PTPRN2: variants seen among roughly 807,000 people sequenced by gnomAD.
PTPRN2 encodes receptor-type tyrosine-protein phosphatase N2.
Under a neutral mutation model 118.8 loss-of-function variants are expected in PTPRN2, and 74 were observed. The observed-to-expected ratio is 0.62, with a 90% CI of 0.52 to 0.76. The LOEUF is 0.76. Among genes scored for constraint, PTPRN2 ranks in the 30% least tolerant of loss-of-function variants. The pLI is 0.00. For synonymous variants in PTPRN2, 641 were observed against 608.0 expected (o/e 1.05, Z -0.80); for missense variants, 1,481 against 1,394.4 (o/e 1.06, Z -0.99).
At chr7:157,826,074 C>T (rs1807151531) in intron 12 of PTPRN2, among the ~76,000 whole-genome samples, 1 of 152,162 alleles carries the variant, frequency 6.6e-6, no homozygotes, top group Admixed American at 6.5e-5. Flanking sequence ...GGCAGCACAA[C>T]CGTGATCACC....
At chr7:158,500,828 C>G (rs1160030787) in intron 1 of PTPRN2, among the ~76,000 whole-genome samples, 1 of 152,266 alleles carries the variant, frequency 6.6e-6, no homozygotes, top group Non-Finnish European at 1.5e-5. Flanking sequence ...GGGGCCCAGT[C>G]CCCGAGTTTC....
At chr7:158,130,349 C>T (rs1012275787) in intron 9 of PTPRN2, among the ~76,000 whole-genome samples, 2 of 152,098 alleles carry the variant, frequency 1.3e-5, no homozygotes, top group South Asian at 4.1e-4. Flanking sequence ...TACACATCTA[C>T]CCGACACACA....
intron 12 of PTPRN2, among the ~76,000 whole-genome samples, chr7:157,719,061 G>C (rs1382466691): frequency 6.6e-6 from 1 of 152,120 alleles, no homozygotes; most frequent in Non-Finnish European, 1.5e-5. Context: ...CCAGGAGCGT[G>C]TTCCCCAGTG....
intron 11 of PTPRN2, among the ~76,000 whole-genome samples, chr7:157,947,807 G>C (rs1000902867): frequency 1.3e-5 from 2 of 152,222 alleles, no homozygotes; most frequent in Non-Finnish European, 2.9e-5. Context: ...AAAGCAGCAA[G>C]AGAGAGGCAA....
chr7:158,452,542 G>A (rs977921026), intron 2 of PTPRN2, among the ~76,000 whole-genome samples: 3 of 152,032 alleles, frequency 2.0e-5, no homozygotes, highest in Non-Finnish European at 2.9e-5. Flanking sequence ...TGTCCCGGGC[G>A]GCCTCCTGCC....
chr7:158,420,876 G>A (rs907306486), intron 2 of PTPRN2, among the ~76,000 whole-genome samples: 9 of 152,338 alleles, frequency 5.9e-5, no homozygotes, highest in South Asian at 2.1e-4. Context: ...TTGATGAGAC[G>A]TGGCAGTTGC....
intron 2 of PTPRN2, among the ~76,000 whole-genome samples, chr7:158,400,513 T>C (rs1299360271): frequency 6.6e-6 from 1 of 152,142 alleles, no homozygotes; most frequent in Non-Finnish European, 1.5e-5. Context: ...TTCTCTGAGC[T>C]CCAAAGCCAT....
chr7:158,425,620 G>A (rs1260691480), intron 2 of PTPRN2, among the ~76,000 whole-genome samples: 1 of 123,010 alleles, frequency 8.1e-6, no homozygotes, highest in South Asian at 3.0e-4. Flanking sequence ...CCCAGAGTCC[G>A]AGTCCAGCCT....
At chr7:158,285,139 G>A (rs881468) in intron 3 of PTPRN2, among the ~76,000 whole-genome samples, 9,633 of 152,194 alleles carry the variant, frequency 0.063, 431 homozygotes, top group Middle Eastern at 0.11. Flanking sequence ...TATTTCTGAC[G>A]TGCCCAGGCT....
intron 11 of PTPRN2, among the ~76,000 whole-genome samples, chr7:158,071,533 TG>T (rs1288365793): frequency 3.2e-5 from 4 of 124,100 alleles, no homozygotes; most frequent in South Asian, 2.6e-4. Flanking sequence ...GAGATGCTCG[TG>T]ATGATGGAGG....
At chr7:157,553,508 A>T (rs963319830) in intron 21 of PTPRN2, among the ~76,000 whole-genome samples, 1 of 152,174 alleles carries the variant, frequency 6.6e-6, no homozygotes, top group African/African-American at 2.4e-5. Context: ...TGATGGATAA[A>T]GTCTCTCTTA....
In PTPRN2 at chr7:157,794,223, C is replaced by G. The variant is rs1430173520; in HGVS notation, c.1788+104450G>C. On this transcript the variant is annotated intron_variant, in intron 12 of 22. Coordinates refer to ENST00000389418, the MANE Select transcript of PTPRN2 (RefSeq NM_002847.5). The surrounding 1 kb of genome is among the most constrained non-coding windows in gnomAD (Gnocchi z 5.2). ...ACACCTCCGACCCGGGCTCACACCT[C>G]CCCTCGTTCTCTGCTCCGACCCGGG... Among the ~76,000 whole-genome samples, 1 of 148,570 alleles carries G rather than the reference C, an allele frequency of 6.7e-6. No homozygotes were observed. The highest frequency in any genetic ancestry group is 1.5e-5 in the Non-Finnish European group (1 of 67,674).
chr7:157,988,953 T>C (rs1804033550), intron 11 of PTPRN2, among the ~76,000 whole-genome samples: 1 of 152,222 alleles, frequency 6.6e-6, no homozygotes, highest in African/African-American at 2.4e-5. Context: ...TGCAAACATG[T>C]CTCTTTCATG....
chr7:157,626,109 C>A (rs560158912), intron 14 of PTPRN2, among the ~76,000 whole-genome samples: 1 of 152,208 alleles, frequency 6.6e-6, no homozygotes, highest in Non-Finnish European at 1.5e-5. Flanking sequence ...CAGCCCCCAG[C>A]AGCCAGTGGC....
intron 2 of PTPRN2, among the ~76,000 whole-genome samples, chr7:158,380,159 G>A (rs999325118): frequency 6.6e-5 from 10 of 152,110 alleles, no homozygotes; most frequent in Non-Finnish European, 1.2e-4. Context: ...CAAATCTCAC[G>A]TCCTCACATT....
intron 3 of PTPRN2, among the ~76,000 whole-genome samples, chr7:158,241,598 G>A (rs565393796): frequency 1.1e-4 from 17 of 152,190 alleles, no homozygotes; most frequent in African/African-American, 3.9e-4. Context: ...TTTAAAGTAC[G>A]AATCATCACA....
rs970351575 is a variant in PTPRN2, at chr7:157,783,409, C to T, written c.1789-100472G>A. 2.0e-5 allele frequency among the ~76,000 whole-genome samples: 3 copies of T among 151,396 alleles called. No individual in the cohort carries two copies. In the South Asian group the frequency reaches 6.4e-4, roughly 32 times the overall value. On this transcript the variant is annotated intron_variant, in intron 12 of 22. Transcript: ENST00000389418. ...GCCTGGGACATACGTCCATCCATAC[C>T]TAGGAAGGTTCATCGAACGCATGTC...
At chr7:158,351,570 G>A (rs1459146865) in intron 2 of PTPRN2, among the ~76,000 whole-genome samples, 1 of 152,124 alleles carries the variant, frequency 6.6e-6, no homozygotes, top group Non-Finnish European at 1.5e-5. Context: ...CTTACTACAC[G>A]AAACATGGTT....
At chr7:158,441,104 A>AGTGATG (rs1288412698) in intron 2 of PTPRN2, among the ~76,000 whole-genome samples, 1 of 136,122 alleles carries the variant, frequency 7.3e-6, no homozygotes, top group South Asian at 2.4e-4. Context: ...TAGGGGTGGT[A>AGTGATG]GTGATGGTGA....
Sources: allele counts gnomAD v4.1 joint callset (sites outside exome capture counted in the v4.1 genomes callset), GRCh38; gene constraint gnomAD v4.1.1; non-coding constraint Gnocchi (gnomAD v3.1); transcripts MANE v1.5; gene names NCBI Gene and HGNC (gene_info 2026-07-23, HGNC 2026-07-21).